BCL7A: variants seen among roughly 807,000 people sequenced by gnomAD.
BCL7A encodes the protein B-cell CLL/lymphoma 7 protein family member A.
In BCL7A, 11 loss-of-function variants were observed where a neutral mutation model predicts 28.4. That is an observed-to-expected ratio of 0.39 (90% CI 0.24 to 0.64). The LOEUF (loss-of-function observed/expected upper bound fraction) is 0.64, where lower values mean the gene tolerates loss of function less well. Among genes scored for constraint, BCL7A ranks in the 30% least tolerant of loss-of-function variants. The pLI is 0.50. For synonymous variants in BCL7A, 123 were observed against 103.3 expected (o/e 1.19, Z -1.15); for missense variants, 222 against 274.8 (o/e 0.81, Z 1.36).
Position 122,021,933 on chromosome 12 carries a change from T to A in BCL7A, c.-159T>A, listed in dbSNP as rs1883463922. 5.8e-6 allele frequency: 3 copies of A among 519,818 alleles called. No individual in the cohort carries two copies. Among genetic ancestry groups the A allele is most frequent in the Non-Finnish European group, 1.0e-5 (3 of 291,272 alleles). 32.2% of individuals were successfully genotyped at this position (519,818 alleles called of 1,614,324 possible). On this transcript the variant is annotated 5_prime_UTR_variant, in exon 1 of 6. Coordinates refer to ENST00000261822, the MANE Select transcript of BCL7A (RefSeq NM_001024808.3). ...CCCGGGCTTTGTGTGTGTGTGTATG[T>A]GTGTGTGTGTGTGTGTGTGTGTGTG... is the stretch of plus-strand genomic sequence containing the variant.
chr12:122,035,522 A>C, intron 3 of BCL7A, 95 bp downstream of exon 3: 1 of 1,193,112 alleles, frequency 8.4e-7, no homozygotes, highest in South Asian at 1.3e-5. Context: ...GTTTGTTCAC[A>C]TTCCAGGCAA....
Position 122,059,396 on chromosome 12 carries a change from C to T in BCL7A, c.*233C>T, listed in dbSNP as rs879422015. On this transcript the variant is annotated 3_prime_UTR_variant, in exon 6 of 6. Transcript: ENST00000261822. This position sits in a 1 kb window ranked among gnomAD's most constrained non-coding sequence, Gnocchi z 4.0. ...AAGGGACTGTCCTTGGGGAGGCAGG[C>T]GGGGCTGACAGCTCAGGAGTGTCTG... 4.1e-5 allele frequency: 19 copies of T among 460,904 alleles called. No individual in the cohort carries two copies. Among genetic ancestry groups the T allele is most frequent in the African/African-American group, 1.2e-4 (6 of 51,272 alleles). 28.6% of individuals were successfully genotyped at this position (460,904 alleles called of 1,614,324 possible).
chr12:122,039,505 TA>T (rs1565938467), intron 3 of BCL7A, among the ~76,000 whole-genome samples: 27 of 107,402 alleles, frequency 2.5e-4, no homozygotes, highest in Non-Finnish European at 4.2e-4. Context: ...TATATATATA[TA>T]ATATATATAT....
intron 3 of BCL7A, among the ~76,000 whole-genome samples, chr12:122,042,649 C>CAAA (rs55633660): frequency 3.4e-5 from 4 of 117,432 alleles, no homozygotes; most frequent in African/African-American, 9.8e-5. Context: ...GACTCCATCT[C>CAAA]AAAAAAAAAA....
intron 2 of BCL7A, among the ~76,000 whole-genome samples, chr12:122,032,775 G>T (rs945259901): frequency 9.2e-5 from 14 of 152,152 alleles, no homozygotes; most frequent in Non-Finnish European, 2.9e-5. Context: ...GCACTGTGCC[G>T]GCTGTGCAGA....
At chr12:122,047,360 A>G (rs1884098138) in intron 4 of BCL7A, among the ~76,000 whole-genome samples, 1 of 151,552 alleles carries the variant, frequency 6.6e-6, no homozygotes, top group African/African-American at 2.4e-5. Context: ...CGTCTCTACT[A>G]AAAATACAAA....
rs1265292553 is a variant in BCL7A at position 122,059,721 on chromosome 12, G to A, written c.*558G>A. On this transcript the variant is annotated 3_prime_UTR_variant, in exon 6 of 6. Coordinates refer to ENST00000261822, the MANE Select transcript of BCL7A (RefSeq NM_001024808.3). The surrounding 1 kb of genome is among the most constrained non-coding windows in gnomAD (Gnocchi z 4.0). ...CTCCTCCCTGCCCCAGGACTTCATC[G>A]GAGCAGGCAGGGTGGAGCGAAGGAG... 6 of 232,452 alleles carry A rather than the reference G, an allele frequency of 2.6e-5. No individual in the cohort carries two copies. The highest frequency in any genetic ancestry group is 6.1e-5 in the East Asian group (1 of 16,434). 14.4% of individuals were successfully genotyped at this position (232,452 alleles called of 1,614,324 possible). A position where few individuals can be genotyped will look rare whatever the true frequency, so the allele number is the denominator to read the frequency against.
In BCL7A at chr12:122,022,250, G is replaced by A. The variant is rs1443684059; in HGVS notation, c.92+67G>A. On this transcript the variant is annotated intron_variant, in intron 1 of 5. Transcript: ENST00000261822. ...CCGAGCCCGAGCGCGGCTCCAGAGAGCCGCGGGGCGCAGCGCCCCGGCCGC... is the reference window on the plus strand; with the variant it reads ...CCGAGCCCGAGCGCGGCTCCAGAGAACCGCGGGGCGCAGCGCCCCGGCCGC... 7 of 982,884 alleles carry A rather than the reference G, an allele frequency of 7.1e-6. No individual in the cohort carries two copies. In the African/African-American group the frequency reaches 1.1e-4, roughly 15 times the overall value. 60.9% of individuals were successfully genotyped at this position (982,884 alleles called of 1,614,324 possible).
rs201268653 is a variant in BCL7A at position 122,021,924 on chromosome 12, G to GTGTA, written c.-165_-164insATGT. 38,836 of 426,550 alleles carry GTGTA rather than the reference G, an allele frequency of 0.091. 3,128 individuals carry two copies. The highest frequency in any genetic ancestry group is 0.41 in the African/African-American group (15,820 of 38,602). 26.4% of individuals were successfully genotyped at this position (426,550 alleles called of 1,614,324 possible). A position where few individuals can be genotyped will look rare whatever the true frequency, so the allele number is the denominator to read the frequency against. ...CGCGGCGGCCCCGGGCTTTGTGTGT[G>GTGTA]TGTGTATGTGTGTGTGTGTGTGTGT... On this transcript the variant is annotated 5_prime_UTR_variant, in exon 1 of 6. The change creates a new upstream start codon in the 5' untranslated region. Coordinates refer to ENST00000261822, the MANE Select transcript of BCL7A (RefSeq NM_001024808.3).
intron 1 of BCL7A, among the ~76,000 whole-genome samples, chr12:122,024,298 G>A (rs1883561444): frequency 6.6e-6 from 1 of 152,288 alleles, no homozygotes; most frequent in Admixed American, 6.5e-5. Flanking sequence ...TCTAACCATG[G>A]TGACCCGGGG....
chr12:122,044,142 C>A, intron 4 of BCL7A, 89 bp downstream of exon 4: 1 of 1,432,808 alleles, frequency 7.0e-7, no homozygotes, highest in South Asian at 1.4e-5. Context: ...GAGGCCCTGT[C>A]ATGTGCCAGC....
chr12:122,031,401 C>T lies in BCL7A; in HGVS notation c.174+620C>T, dbSNP rs561022643. Among the ~76,000 whole-genome samples, 11 of 152,216 alleles carry T rather than the reference C, an allele frequency of 7.2e-5. No individual in the cohort carries two copies. In the South Asian group the frequency reaches 1.2e-3, roughly 17 times the overall value. On this transcript the variant is annotated intron_variant, in intron 2 of 5. Transcript: ENST00000261822. ...GTGTTTTGGGGCAGGTGTGGTGGTG[C>T]CCACAGTTAGGCACGTTCTCCCCAC...
intron 5 of BCL7A, among the ~76,000 whole-genome samples, chr12:122,056,627 C>T (rs1951879897): frequency 6.6e-6 from 1 of 151,990 alleles, no homozygotes; most frequent in Non-Finnish European, 1.5e-5. Flanking sequence ...ATAGCAAGAC[C>T]CCGTCTCTCC....
chr12:122,034,580 A>G lies in BCL7A; in HGVS notation c.175-751A>G, dbSNP rs1259109427. On this transcript the variant is annotated intron_variant, in intron 2 of 5. Transcript: ENST00000261822. ...GGTGAAACCCGTCTCTACTAAAAAT[A>G]CAAAAATTAGCCGGGTGTGGTGGCA... 3.3e-5 allele frequency among the ~76,000 whole-genome samples: 5 copies of G among 151,858 alleles called. No homozygotes were observed. In the East Asian group the frequency reaches 9.7e-4, roughly 29 times the overall value.
At chr12:122,056,272 A>G (rs1174963240) in intron 5 of BCL7A, among the ~76,000 whole-genome samples, 2 of 152,200 alleles carry the variant, frequency 1.3e-5, no homozygotes, top group African/African-American at 2.4e-5. Flanking sequence ...TGAAACTTTG[A>G]TCCATACCCT....
At chr12:122,052,207 T>A (rs960351544) in intron 4 of BCL7A, among the ~76,000 whole-genome samples, 4 of 151,648 alleles carry the variant, frequency 2.6e-5, no homozygotes, top group South Asian at 2.1e-4. Flanking sequence ...AAAAAAAAAA[T>A]AAATAAACTA....
At chr12:122,055,273 C>A (rs1314521881) in intron 5 of BCL7A, among the ~76,000 whole-genome samples, 1 of 152,196 alleles carries the variant, frequency 6.6e-6, no homozygotes, top group East Asian at 1.9e-4. Context: ...ACCTTTAGAG[C>A]TGGGAAGACA....
chr12:122,035,499 G>A lies in BCL7A; in HGVS notation c.271+72G>A, dbSNP rs573804826. 71 of 1,403,540 alleles carry A rather than the reference G, an allele frequency of 5.1e-5. No individual in the cohort carries two copies. In the South Asian group the frequency reaches 7.1e-4, roughly 14 times the overall value. 86.9% of individuals were successfully genotyped at this position (1,403,540 alleles called of 1,614,324 possible). A position where few individuals can be genotyped will look rare whatever the true frequency, so the allele number is the denominator to read the frequency against. The stretch of plus-strand genomic sequence containing the variant: ...TGGCCAAGCACTCGGTCATGTTTTT[G>A]TTTCTCCAGCAGGTTTGTTCACATT... On this transcript the variant is annotated intron_variant, in intron 3 of 5. Transcript: ENST00000261822.
At chr12:122,030,888 CA>C in intron 2 of BCL7A, 107 bp downstream of exon 2, 2 of 1,180,828 alleles carry the variant, frequency 1.7e-6, no homozygotes, top group Non-Finnish European at 2.5e-6. Flanking sequence ...GCTCTGGGAC[CA>C]AGAGCCCCTG....
Sources: allele counts gnomAD v4.1 joint callset (sites outside exome capture counted in the v4.1 genomes callset), GRCh38; gene constraint gnomAD v4.1.1; non-coding constraint Gnocchi (gnomAD v3.1); transcripts MANE v1.5; gene names NCBI Gene and HGNC (gene_info 2026-07-23, HGNC 2026-07-21).